The following CADM2 variants were observed in gnomAD, a reference collection of about 807,000 sequenced individuals.
CADM2 encodes immunoglobulin superfamily member 4D.
In CADM2, 12 loss-of-function variants were observed where a neutral mutation model predicts 49.8. That is an observed-to-expected ratio of 0.24 (90% confidence interval 0.15 to 0.39). The LOEUF is 0.39. CADM2 is among the 10% of genes least tolerant of loss of function. The probability of loss-of-function intolerance (pLI) is 1.00; values close to 1 mark genes in which losing one functional copy is unlikely to be tolerated. For synonymous variants in CADM2, 214 were observed against 175.4 expected, an observed-to-expected ratio of 1.22 and a Z score of -1.74; for missense variants, 378 against 492.3, an observed-to-expected ratio of 0.77 and a Z score of 2.20.
At chr3:85,259,865 AT>A (rs376402362) in intron 1 of CADM2, among the ~76,000 whole-genome samples, 1 of 152,100 alleles carries the variant, frequency 6.6e-6, no homozygotes, top group South Asian at 2.1e-4. Context: ...ATAACATGTA[AT>A]TGTGTTTTGA....
At chr3:85,035,436 T>C (rs2035174031) in intron 1 of CADM2, among the ~76,000 whole-genome samples, 1 of 152,224 alleles carries the variant, frequency 6.6e-6, no homozygotes, top group Non-Finnish European at 1.5e-5. Context: ...TATTTACCCA[T>C]ATGTCCATTT....
intron 1 of CADM2, among the ~76,000 whole-genome samples, chr3:85,711,032 T>A (rs1237924829): frequency 1.3e-5 from 2 of 152,158 alleles, no homozygotes; most frequent in Non-Finnish European, 2.9e-5. Flanking sequence ...TGAGAATTAA[T>A]TATATTTTCC....
chr3:85,563,664 A>G (rs939626209), intron 1 of CADM2, among the ~76,000 whole-genome samples: 1 of 152,096 alleles, frequency 6.6e-6, no homozygotes, highest in African/African-American at 2.4e-5. Flanking sequence ...GAATTCCAAG[A>G]TATTTGTTGA....
At chr3:85,505,056 T>A (rs563203636) in intron 1 of CADM2, among the ~76,000 whole-genome samples, 70 of 152,178 alleles carry the variant, frequency 4.6e-4, no homozygotes, top group Middle Eastern at 3.4e-3. Flanking sequence ...CTGGCGCCTC[T>A]CCCTCCACAC....
chr3:85,300,918 C>T (rs902669520), intron 1 of CADM2, among the ~76,000 whole-genome samples: 1 of 151,892 alleles, frequency 6.6e-6, no homozygotes, highest in African/African-American at 2.4e-5. Flanking sequence ...TTAAAAGACC[C>T]CATAGTAGGG....
intron 1 of CADM2, among the ~76,000 whole-genome samples, chr3:85,551,300 C>T (rs970528507): frequency 1.6e-4 from 24 of 152,154 alleles, no homozygotes; most frequent in African/African-American, 5.6e-4. Flanking sequence ...ATTTTCTTAG[C>T]AATCCTTCAG....
At chr3:85,898,950 TA>T (rs1280496114) in intron 5 of CADM2, among the ~76,000 whole-genome samples, 67 of 59,194 alleles carry the variant, frequency 1.1e-3, no homozygotes, top group African/African-American at 4.1e-3. Context: ...TATATATATA[TA>T]TATATTTTTT....
At chr3:85,498,238 C>G (rs2039984558) in intron 1 of CADM2, among the ~76,000 whole-genome samples, 1 of 151,218 alleles carries the variant, frequency 6.6e-6, no homozygotes, top group Non-Finnish European at 1.5e-5. Context: ...AAATGTGCCC[C>G]AAGCATTGTG....
intron 8 of CADM2, among the ~76,000 whole-genome samples, chr3:86,051,292 G>T (rs979206954): frequency 3.9e-5 from 6 of 152,138 alleles, no homozygotes; most frequent in African/African-American, 7.2e-5. Flanking sequence ...CTTTGCTCCA[G>T]TTCCCAGTAA....
At chr3:86,034,395 A>G (rs1307740954) in intron 8 of CADM2, among the ~76,000 whole-genome samples, 2 of 152,042 alleles carry the variant, frequency 1.3e-5, no homozygotes, top group African/African-American at 2.4e-5. Flanking sequence ...AGGGCTAAAT[A>G]TAAGTTCTCA....
intron 1 of CADM2, among the ~76,000 whole-genome samples, chr3:85,523,676 T>C (rs907921601): frequency 6.6e-6 from 1 of 152,078 alleles, no homozygotes; most frequent in African/African-American, 2.4e-5. Flanking sequence ...ATTCATTATA[T>C]AGGAAACTGA....
chr3:85,064,590 G>A (rs115247296), intron 1 of CADM2, among the ~76,000 whole-genome samples: 1,885 of 151,778 alleles, frequency 0.012, 32 homozygotes, highest in African/African-American at 0.042. Flanking sequence ...TTGAAATCTT[G>A]CCTCCTTTGG....
At chr3:85,891,846 A>G (rs1411727181) in intron 5 of CADM2, among the ~76,000 whole-genome samples, 3 of 152,254 alleles carry the variant, frequency 2.0e-5, no homozygotes, top group African/African-American at 7.2e-5. Context: ...CTATAGCCCC[A>G]GCTAACATCT....
chr3:85,805,630 C>A (rs1446233274), intron 3 of CADM2: 2 of 152,086 alleles, frequency 1.3e-5, no homozygotes, highest in Non-Finnish European at 2.9e-5. Flanking sequence ...TTAAAAGATT[C>A]CATATTACAA....
intron 7 of CADM2, among the ~76,000 whole-genome samples, chr3:85,946,000 C>A (rs546220053): frequency 1.8e-4 from 27 of 152,238 alleles, no homozygotes; most frequent in African/African-American, 6.3e-4. Context: ...TCCCTGTTTG[C>A]AGACGACATG....
chr3:85,210,405 G>A (rs558167827), intron 1 of CADM2, among the ~76,000 whole-genome samples: 16 of 152,040 alleles, frequency 1.1e-4, no homozygotes, highest in Non-Finnish European at 2.1e-4. Flanking sequence ...TTGCATTAAT[G>A]TTCGTCAGGG....
intron 2 of CADM2, among the ~76,000 whole-genome samples, chr3:85,800,615 A>T (rs2071955155): frequency 6.6e-6 from 1 of 152,162 alleles, no homozygotes; most frequent in African/African-American, 2.4e-5. Context: ...AGATAGCACC[A>T]TCCCTTACAG....
rs1159969286 is a variant in CADM2, at chr3:85,515,631, A to ATATATATATTTT, written c.62-210890_62-210889insATATATATTTTT. On this transcript the variant is annotated intron_variant, in intron 1 of 9. Coordinates refer to ENST00000383699, the MANE Select transcript of CADM2 (RefSeq NM_001167675.2). Reference sequence around the variant, plus strand: ...CACTAATATATATATATATATATATATTTTTTTTTTTTGTATCTTTAGTAG... The same window carrying ATATATATATTTT: ...CACTAATATATATATATATATATATATATATATATTTTTTTTTTTTTTTTGTATCTTTAGTAG... 6.9e-4 allele frequency among the ~76,000 whole-genome samples: 82 copies of ATATATATATTTT among 118,394 alleles called. No homozygotes were observed. The East Asian group carries it at 0.01, about 15-fold the overall frequency. 77.7% of individuals were successfully genotyped at this position (118,394 alleles called of 152,430 possible).
Position 85,406,034 on chromosome 3 carries a change from G to A in CADM2, c.62-320488G>A, listed in dbSNP as rs181089423. Reference sequence around the variant, plus strand: ...CATTATATATAGAGAAAAATTTTCAGGCCTTCATAAGTAATTTAACTATAA... The same window carrying A: ...CATTATATATAGAGAAAAATTTTCAAGCCTTCATAAGTAATTTAACTATAA... On this transcript the variant is annotated intron_variant, in intron 1 of 9. Transcript: ENST00000383699. 2.7e-3 allele frequency among the ~76,000 whole-genome samples: 412 copies of A among 151,868 alleles called. 3 individuals are homozygous for A. The highest frequency in any genetic ancestry group is 9.4e-3 in the African/African-American group (389 of 41,450).
Sources: gnomAD v4.1 joint callset for allele counts (sites outside exome capture counted in the v4.1 genomes callset) on GRCh38, gnomAD v4.1.1 for gene constraint, MANE v1.5 for transcripts, NCBI Gene and HGNC (gene_info 2026-07-23, HGNC 2026-07-21) for gene names.